SH3GL2: variants seen among roughly 807,000 people sequenced by gnomAD.
The protein encoded by SH3GL2 is endophilin-A1.
In SH3GL2, 24 loss-of-function variants were observed where a neutral mutation model predicts 46.0. The observed-to-expected ratio is 0.52, with a 90% CI of 0.38 to 0.73. The LOEUF is 0.73. Among genes scored for constraint, SH3GL2 ranks in the 30% least tolerant of loss-of-function variants. The pLI is 0.00. For missense variants in SH3GL2, 413 were observed against 424.2 expected, an observed-to-expected ratio of 0.97 and a Z score of 0.23; for synonymous variants, 196 against 147.1, an observed-to-expected ratio of 1.33 and a Z score of -2.40.
At position 17,660,995 on chromosome 9, in the gene SH3GL2, C is replaced by G. The variant is rs62548121; in HGVS notation, c.45+81708C>G. 6.1e-3 allele frequency among the ~76,000 whole-genome samples: 924 copies of G among 152,132 alleles called. 6 individuals carry two copies. The highest frequency in any genetic ancestry group is 9.3e-3 in the Non-Finnish European group (633 of 68,006). ...TGACCAACGTGGTGAAACCCTGTCT[C>G]TACTAAAAATACAAAAATTAGCTGG... is the stretch of plus-strand genomic sequence containing the variant. On this transcript the variant is annotated intron_variant, in intron 1 of 8. Coordinates refer to ENST00000380607, the MANE Select transcript of SH3GL2 (RefSeq NM_003026.5).
At chr9:17,707,944 G>C (rs1478510202) in intron 1 of SH3GL2, among the ~76,000 whole-genome samples, 1 of 152,044 alleles carries the variant, frequency 6.6e-6, no homozygotes, top group Non-Finnish European at 1.5e-5. Context: ...GAGACCTAGA[G>C]AGACACATGT....
At chr9:17,706,194 C>G (rs894345788) in intron 1 of SH3GL2, among the ~76,000 whole-genome samples, 1 of 152,020 alleles carries the variant, frequency 6.6e-6, no homozygotes, top group Non-Finnish European at 1.5e-5. Flanking sequence ...ATGCCCAAGG[C>G]CACTAAGTAG....
At chr9:17,659,218 A>G (rs1820157220) in intron 1 of SH3GL2, among the ~76,000 whole-genome samples, 1 of 152,226 alleles carries the variant, frequency 6.6e-6, no homozygotes, top group African/African-American at 2.4e-5. Flanking sequence ...CCCATATTAT[A>G]GAGAAAGTCC....
At chr9:17,646,896 G>A (rs564184608) in intron 1 of SH3GL2, among the ~76,000 whole-genome samples, 86 of 152,334 alleles carry the variant, frequency 5.6e-4, no homozygotes, top group African/African-American at 2.0e-3. Flanking sequence ...ATCAGAGGTC[G>A]AGCACTGTGC....
At chr9:17,684,976 G>T (rs771467787) in intron 1 of SH3GL2, among the ~76,000 whole-genome samples, 6 of 152,148 alleles carry the variant, frequency 3.9e-5, no homozygotes, top group Non-Finnish European at 5.9e-5. Flanking sequence ...TAAATAAGCA[G>T]TGTGTCTTGA....
rs1441566065 is a variant in SH3GL2 at position 17,793,617 on chromosome 9, T to G, written c.859+120T>G. The G allele has an allele frequency of 9.8e-6, 9 of 919,236 alleles. No individual in the cohort carries two copies. In the Admixed American group the frequency reaches 2.4e-4, roughly 25 times the overall value. 56.9% of individuals were successfully genotyped at this position (919,236 alleles called of 1,614,324 possible). A position where few individuals can be genotyped will look rare whatever the true frequency, so the allele number is the denominator to read the frequency against. On this transcript the variant is annotated intron_variant, in intron 8 of 8. Coordinates refer to ENST00000380607, the MANE Select transcript of SH3GL2 (RefSeq NM_003026.5). ...AGGAAATATGCAGTAATACATTTCT[T>G]ATGGAGTCAGTTGTCAGGTAGAAAC... is the stretch of plus-strand genomic sequence containing the variant.
intron 8 of SH3GL2, 34 bp from the exon 9 acceptor site, chr9:17,795,510 G>T (rs1001990909): frequency 3.8e-6 from 6 of 1,572,546 alleles, no homozygotes; most frequent in Non-Finnish European, 5.2e-6. Context: ...TTATCCTTTT[G>T]TGTTCTTCTC....
chr9:17,751,850 C>T (rs186670265), intron 2 of SH3GL2, among the ~76,000 whole-genome samples: 2 of 151,380 alleles, frequency 1.3e-5, no homozygotes, highest in African/African-American at 2.5e-5. Context: ...TGTGCTAAGA[C>T]ACACCCCCCC....
At chr9:17,788,428 C>T (rs1181294606) in intron 5 of SH3GL2, among the ~76,000 whole-genome samples, 1 of 152,064 alleles carries the variant, frequency 6.6e-6, no homozygotes, top group Non-Finnish European at 1.5e-5. Context: ...TATTCTTCCT[C>T]CTTTCCTTTT....
At chr9:17,789,801 C>A in intron 6 of SH3GL2, 2 of 976,206 alleles carry the variant, frequency 2.0e-6, no homozygotes, top group Non-Finnish European at 2.4e-6. Context: ...TGCTCCTTAA[C>A]TTATGATGGG....
chr9:17,595,658 A>G (rs979648588), intron 1 of SH3GL2, among the ~76,000 whole-genome samples: 1 of 152,224 alleles, frequency 6.6e-6, no homozygotes, highest in Non-Finnish European at 1.5e-5. Flanking sequence ...GGGATGAGGA[A>G]GTAAATCTGT....
chr9:17,607,223 C>G (rs1252223479), intron 1 of SH3GL2, among the ~76,000 whole-genome samples: 1 of 152,162 alleles, frequency 6.6e-6, no homozygotes, highest in Non-Finnish European at 1.5e-5. Flanking sequence ...TGCTGCAAAC[C>G]TAGGCTATAT....
At chr9:17,592,112 A>C (rs1563774178) in intron 1 of SH3GL2, among the ~76,000 whole-genome samples, 1 of 152,178 alleles carries the variant, frequency 6.6e-6, no homozygotes, top group Non-Finnish European at 1.5e-5. Context: ...TCCAAGTCCA[A>C]AGGCCTGAGG....
intron 1 of SH3GL2, among the ~76,000 whole-genome samples, chr9:17,702,316 C>G (rs183889641): frequency 6.6e-6 from 1 of 151,940 alleles, no homozygotes; most frequent in Non-Finnish European, 1.5e-5. Context: ...CTTGAAGAAA[C>G]CAGTGAAGAA....
chr9:17,594,008 C>T (rs922984331), intron 1 of SH3GL2, among the ~76,000 whole-genome samples: 3 of 152,150 alleles, frequency 2.0e-5, no homozygotes, highest in Non-Finnish European at 2.9e-5. Flanking sequence ...TAGGTTCTGA[C>T]GTTCTGTGCT....
intron 3 of SH3GL2, among the ~76,000 whole-genome samples, chr9:17,772,622 C>T (rs1823519288): frequency 6.6e-6 from 1 of 152,156 alleles, no homozygotes; most frequent in African/African-American, 2.4e-5. Flanking sequence ...GGCTTTATTT[C>T]ACTTGGCATA....
chr9:17,704,430 GAA>G (rs34599554), intron 1 of SH3GL2, among the ~76,000 whole-genome samples: 2 of 149,680 alleles, frequency 1.3e-5, no homozygotes, highest in Non-Finnish European at 3.0e-5. Flanking sequence ...CACAGAATTA[GAA>G]AAAAAAAATA....
intron 1 of SH3GL2, chr9:17,590,669 GC>G (rs1195248676): frequency 1.3e-5 from 2 of 151,580 alleles, no homozygotes; most frequent in Admixed American, 6.6e-5. Flanking sequence ...GACATGGAAA[GC>G]TCCTTTTCCC....
At chr9:17,783,010 C>T (rs780379343) in intron 3 of SH3GL2, among the ~76,000 whole-genome samples, 1 of 152,062 alleles carries the variant, frequency 6.6e-6, no homozygotes, top group Admixed American at 6.6e-5. Context: ...CTCTGTGCAA[C>T]CAAGTTGTCA....
Sources: gnomAD v4.1 joint callset for allele counts (sites outside exome capture counted in the v4.1 genomes callset) on GRCh38, gnomAD v4.1.1 for gene constraint, MANE v1.5 for transcripts, NCBI Gene and HGNC (gene_info 2026-07-23, HGNC 2026-07-21) for gene names.